The following RPTOR variants were observed in gnomAD, a reference collection of about 807,000 sequenced individuals.
RPTOR encodes regulatory-associated protein of mTOR.
Under a neutral mutation model 169.9 loss-of-function variants are expected in RPTOR, and 21 were observed. The ratio of observed to expected loss-of-function variants is 0.12; its 90% confidence interval spans 0.09 to 0.18. The LOEUF is 0.18. Ranked by LOEUF, RPTOR falls within the 10% of genes least tolerant of loss-of-function variation. The pLI, the probability that RPTOR is intolerant of heterozygous loss-of-function variation, is 1.00. For missense variants in RPTOR, 1,133 were observed against 1,855.9 expected (o/e 0.61, Z 7.16); for synonymous variants, 732 against 753.2 (o/e 0.97, Z 0.46).
chr17:80,916,737 C>T (rs190761802), intron 21 of RPTOR, among the ~76,000 whole-genome samples: 1 of 152,348 alleles, frequency 6.6e-6, no homozygotes, highest in African/African-American at 2.4e-5. Flanking sequence ...CGATGGCTCA[C>T]ACCTGTAATC....
chr17:80,913,428 C>G (rs2068635076), intron 21 of RPTOR, among the ~76,000 whole-genome samples: 1 of 152,032 alleles, frequency 6.6e-6, no homozygotes, highest in Non-Finnish European at 1.5e-5. Context: ...GCTCCCTTTT[C>G]TCTTGGTTTA....
At chr17:80,794,873 G>GAACA (rs776965983) in intron 7 of RPTOR, among the ~76,000 whole-genome samples, 4 of 152,182 alleles carry the variant, frequency 2.6e-5, no homozygotes, top group Non-Finnish European at 5.9e-5. Context: ...TGGGGCCAGA[G>GAACA]AACAGATCAG....
At chr17:80,588,243 A>G (rs1599579938) in intron 1 of RPTOR, among the ~76,000 whole-genome samples, 1 of 140,606 alleles carries the variant, frequency 7.1e-6, no homozygotes. Context: ...GCTCACTGCA[A>G]CCTCCGCCTC....
At chr17:80,892,967 T>A in intron 19 of RPTOR, 98 bp downstream of exon 19, 1 of 1,418,044 alleles carries the variant, frequency 7.1e-7, no homozygotes, top group African/African-American at 1.4e-5. Flanking sequence ...CCCTGCCCCT[T>A]CGTCTAAGTG....
intron 17 of RPTOR, among the ~76,000 whole-genome samples, chr17:80,885,790 C>T (rs2068239102): frequency 6.6e-6 from 1 of 152,198 alleles, no homozygotes; most frequent in Non-Finnish European, 1.5e-5. Flanking sequence ...ATCCACCCAC[C>T]TCAGTCTCCC....
intron 1 of RPTOR, among the ~76,000 whole-genome samples, chr17:80,615,388 G>A (rs761241457): frequency 2.6e-5 from 4 of 152,116 alleles, no homozygotes; most frequent in African/African-American, 7.2e-5. Flanking sequence ...TCACATGCTG[G>A]CCCCTTAGCT....
At chr17:80,747,819 T>C (rs2066590956) in intron 5 of RPTOR, among the ~76,000 whole-genome samples, 1 of 152,220 alleles carries the variant, frequency 6.6e-6, no homozygotes, top group Non-Finnish European at 1.5e-5. Context: ...CACCACCCCA[T>C]GCCATCCTAT....
At chr17:80,576,568 G>T (rs2064965107) in intron 1 of RPTOR, among the ~76,000 whole-genome samples, 1 of 152,098 alleles carries the variant, frequency 6.6e-6, no homozygotes, top group Non-Finnish European at 1.5e-5. Flanking sequence ...TTGACTCTTC[G>T]CTCTCCTTTC....
intron 28 of RPTOR, among the ~76,000 whole-genome samples, chr17:80,955,919 C>T (rs376773762): frequency 6.6e-6 from 1 of 152,098 alleles, no homozygotes; most frequent in African/African-American, 2.4e-5. Context: ...GCTCAAATGA[C>T]GGGGTTAGTT....
chr17:80,837,084 G>A (rs549174041), intron 9 of RPTOR, among the ~76,000 whole-genome samples: 12 of 152,284 alleles, frequency 7.9e-5, no homozygotes, highest in African/African-American at 2.2e-4. Flanking sequence ...GCTGTCTCAC[G>A]TTCACCGTGA....
intron 21 of RPTOR, among the ~76,000 whole-genome samples, chr17:80,921,490 G>A (rs1201741188): frequency 1.3e-5 from 2 of 152,220 alleles, no homozygotes; most frequent in Non-Finnish European, 2.9e-5. Flanking sequence ...TCATGTCGGT[G>A]GCCGGGCAGC....
Position 80,681,659 on chromosome 17 carries a change from GAGGTGT to G in RPTOR, c.349-26180_349-26175del, listed in dbSNP as rs1374009464. ...AGGTGTACGTCTCTTACACCTTCAT[GAGGTGT>G]ACGTCTCTTACAGCTTCATGAGGTG... On this transcript the variant is annotated intron_variant, in intron 3 of 33. Coordinates refer to ENST00000306801, the MANE Select transcript of RPTOR (RefSeq NM_020761.3). Among the ~76,000 whole-genome samples the G allele has an allele frequency of 2.5e-4, 22 of 88,874 alleles. 10 individuals are homozygous for G. The highest frequency in any genetic ancestry group is 4.2e-4 in the Non-Finnish European group (19 of 45,098). 58.3% of individuals were successfully genotyped at this position (88,874 alleles called of 152,430 possible).
At position 80,860,046 on chromosome 17, in the gene RPTOR, C is replaced by T. The variant is rs1243784893; in HGVS notation, c.1509+2146C>T. ...CCTTGGAGAGGCCATGGCTTGGAGCCGGGGAAGACCACCCTTTCCTTTTCT... is the reference window on the plus strand; with the variant it reads ...CCTTGGAGAGGCCATGGCTTGGAGCTGGGGAAGACCACCCTTTCCTTTTCT... On this transcript the variant is annotated intron_variant, in intron 13 of 33. Coordinates refer to ENST00000306801, the MANE Select transcript of RPTOR (RefSeq NM_020761.3). This position sits in a 1 kb window ranked among gnomAD's most constrained non-coding sequence, Gnocchi z 5.8. Among the ~76,000 whole-genome samples the T allele has an allele frequency of 6.6e-6, 1 of 152,162 alleles. No individual in the cohort carries two copies. The highest frequency in any genetic ancestry group is 1.5e-5 in the Non-Finnish European group (1 of 68,018).
At chr17:80,782,058 G>A (rs930669896) in intron 6 of RPTOR, among the ~76,000 whole-genome samples, 7 of 152,242 alleles carry the variant, frequency 4.6e-5, no homozygotes, top group Non-Finnish European at 8.8e-5. Context: ...CGGCCCTGGA[G>A]CCTACAGCAG....
chr17:80,748,697 C>T (rs565878033), intron 5 of RPTOR, among the ~76,000 whole-genome samples: 2 of 79,130 alleles, frequency 2.5e-5, no homozygotes, highest in Admixed American at 1.2e-4. Context: ...GAGGCTGTGG[C>T]GGGAGGACCT....
chr17:80,679,810 C>T (rs529468032), intron 3 of RPTOR, among the ~76,000 whole-genome samples: 2 of 152,368 alleles, frequency 1.3e-5, no homozygotes, highest in Admixed American at 1.3e-4. Context: ...GTCAGTTACA[C>T]AGCCTTCCTT....
At chr17:80,598,802 A>G (rs1307377961) in intron 1 of RPTOR, among the ~76,000 whole-genome samples, 1 of 152,256 alleles carries the variant, frequency 6.6e-6, no homozygotes, top group African/African-American at 2.4e-5. Flanking sequence ...AGAGCTGCTC[A>G]GTAAAACAGC....
chr17:80,798,662 T>C (rs1195397268), intron 7 of RPTOR, among the ~76,000 whole-genome samples: 1 of 151,984 alleles, frequency 6.6e-6, no homozygotes, highest in Non-Finnish European at 1.5e-5. Flanking sequence ...TGATGCGCAT[T>C]CACCTGAGTG....
At chr17:80,643,412 C>T (rs34929663) in intron 2 of RPTOR, among the ~76,000 whole-genome samples, 14,363 of 152,220 alleles carry the variant, frequency 0.094, 745 homozygotes, top group Middle Eastern at 0.13. Flanking sequence ...TCAGAGAAAG[C>T]CTGAGCAGGA....
Sources: allele counts gnomAD v4.1 joint callset (sites outside exome capture counted in the v4.1 genomes callset), GRCh38; gene constraint gnomAD v4.1.1; non-coding constraint Gnocchi (gnomAD v3.1); transcripts MANE v1.5; gene names NCBI Gene and HGNC (gene_info 2026-07-23, HGNC 2026-07-21).